The following NUP214 variants were observed in gnomAD, a reference collection of about 807,000 sequenced individuals.
NUP214 encodes the protein nuclear pore complex protein Nup214.
A neutral mutation model predicts 196.2 loss-of-function variants in NUP214; 79 were observed. That is an observed-to-expected ratio of 0.40 (90% CI 0.34 to 0.49). NUP214 has a LOEUF of 0.49. NUP214 is among the 20% of genes least tolerant of loss of function. The pLI, the probability that NUP214 is intolerant of heterozygous loss-of-function variation, is 0.58. For missense variants in NUP214, 2,468 were observed against 2,539.0 expected (o/e 0.97, Z 0.60); for synonymous variants, 1,020 against 990.5 (o/e 1.03, Z -0.56).
intron 8 of NUP214, among the ~76,000 whole-genome samples, chr9:131,135,475 G>A (rs1346118928): frequency 6.6e-6 from 1 of 152,056 alleles, no homozygotes; most frequent in Admixed American, 6.6e-5. Flanking sequence ...CCCCAATCTT[G>A]AATTATTTAT....
At chr9:131,174,452 T>C (rs1007104812) in intron 22 of NUP214, 134 bp downstream of exon 22, 22 of 534,444 alleles carry the variant, frequency 4.1e-5, no homozygotes, top group East Asian at 3.1e-4. Flanking sequence ...TTTTTCTTTT[T>C]TTCTTTTTTT....
chr9:131,185,551 T>G (rs1386133742), intron 24 of NUP214, among the ~76,000 whole-genome samples: 3 of 152,256 alleles, frequency 2.0e-5, no homozygotes, highest in South Asian at 2.1e-4. Context: ...TCACCTAAGA[T>G]ATGGATACTT....
chr9:131,166,371 G>A (rs1163237557), intron 21 of NUP214, among the ~76,000 whole-genome samples: 2 of 152,138 alleles, frequency 1.3e-5, no homozygotes, highest in Admixed American at 6.5e-5. Flanking sequence ...TGAGATTTAT[G>A]TAATTTACTT....
chr9:131,162,260 CAT>C (rs1175357572), intron 18 of NUP214, among the ~76,000 whole-genome samples: 2 of 152,230 alleles, frequency 1.3e-5, no homozygotes, highest in African/African-American at 4.8e-5. Context: ...TTATGTGGCA[CAT>C]GACTGTATTG....
At chr9:131,142,350 T>C (rs1831943439) in intron 11 of NUP214, among the ~76,000 whole-genome samples, 2 of 152,264 alleles carry the variant, frequency 1.3e-5, no homozygotes, top group African/African-American at 2.4e-5. Flanking sequence ...AACTCCCCTC[T>C]TCCTTCACAG....
chr9:131,177,563 G>A (rs1425808662), intron 23 of NUP214, among the ~76,000 whole-genome samples: 1 of 152,144 alleles, frequency 6.6e-6, no homozygotes, highest in Non-Finnish European at 1.5e-5. Flanking sequence ...CTTTGAAAGA[G>A]GGAATAAAAG....
chr9:131,146,212 C>A lies in NUP214; in HGVS notation c.1853C>A (p.Pro618Gln). 1 of 1,614,156 alleles carries A rather than the reference C, an allele frequency of 6.2e-7. No homozygotes were observed. The highest frequency in any genetic ancestry group is 2.2e-5 in the East Asian group (1 of 44,876). Residue 618 changes from proline to glutamine, a missense_variant, in exon 13 of 36, where the codon CCA becomes CAA. Pro to Gln is a moderately conservative substitution (Grantham distance 76). This residue lies in a region of NUP214 where 1,801 missense variants were observed against 1,779.4 expected (regional missense o/e 1.01). Coordinates refer to ENST00000359428, the MANE Select transcript of NUP214 (RefSeq NM_005085.4). This position sits in a 1 kb window ranked among gnomAD's most constrained non-coding sequence, Gnocchi z 4.6. Reference sequence around the variant, plus strand: ...TCGCCATTCTCTTCTGCCTCCAAGCCAGCTGCTTCTGGACCACTCAGCCAC... The same window carrying A: ...TCGCCATTCTCTTCTGCCTCCAAGCAAGCTGCTTCTGGACCACTCAGCCAC... ...PMSPFSSASK[P>Q]AASGPLSHPT...
At chr9:131,199,084 A>C (rs564892637) in intron 29 of NUP214, 69 bp downstream of exon 29, 3 of 1,503,980 alleles carry the variant, frequency 2.0e-6, no homozygotes, top group East Asian at 2.3e-5. Context: ...ACAGACCCCT[A>C]TTACTTTTGT....
rs770768618 is a variant in NUP214 at position 131,198,421 on chromosome 9, T to A, written c.4927T>A (p.Ser1643Thr). The A allele has an allele frequency of 1.2e-6, 2 of 1,614,260 alleles. No homozygotes were observed. The highest frequency in any genetic ancestry group is 1.7e-6 in the Non-Finnish European group (2 of 1,180,044). Residue 1643 changes from serine (S) to threonine (T), a missense_variant, in exon 29 of 36, where the codon TCC becomes ACC. Ser to Thr is a moderately conservative substitution (Grantham distance 58). Coordinates refer to ENST00000359428, the MANE Select transcript of NUP214 (RefSeq NM_005085.4). ...ATTTGGTACCGTCACTTCTGGCTCATCCGTCTTTGCTCAGCCTCCTGCTGC... is the reference window on the plus strand; with the variant it reads ...ATTTGGTACCGTCACTTCTGGCTCAACCGTCTTTGCTCAGCCTCCTGCTGC... ...AAFGTVTSGSSVFAQPPAASS... is the reference protein window; with the variant it reads ...AAFGTVTSGSTVFAQPPAASS...
intron 7 of NUP214, 91 bp downstream of exon 7, chr9:131,133,300 T>TTG: frequency 2.7e-6 from 2 of 744,776 alleles, no homozygotes; most frequent in South Asian, 2.3e-5. Context: ...TTTTTTGTGT[T>TTG]TGTGTTTTTT....
At chr9:131,201,453 T>C (rs1010492495) in intron 29 of NUP214, among the ~76,000 whole-genome samples, 194 bp from the exon 30 acceptor site, 43 of 151,614 alleles carry the variant, frequency 2.8e-4, no homozygotes, top group African/African-American at 1.0e-3. Context: ...GAGTCCCAGC[T>C]ACTCAGGAGG....
chr9:131,223,162 A>C (rs752082915), intron 32 of NUP214, among the ~76,000 whole-genome samples: 1 of 148,838 alleles, frequency 6.7e-6, no homozygotes, highest in Non-Finnish European at 1.5e-5. Flanking sequence ...GTAATGCAAC[A>C]TTTTTTTTTC....
chr9:131,132,630 C>A lies in NUP214; in HGVS notation c.698C>A (p.Pro233Gln), dbSNP rs150328396. The change falls in exon 6 of 36, where the codon CCG becomes CAG. Residue 233 changes from proline (P) to glutamine (Q), a missense_variant. Pro to Gln is a moderately conservative substitution (Grantham distance 76, BLOSUM62 -1). Coordinates refer to ENST00000359428, the MANE Select transcript of NUP214 (RefSeq NM_005085.4). ...GAAAAAAAAGTCATTCCTTGTCCTC[C>A]GTTTTATGAGTCAGATCATCCTGTC... ...LQEKKVIPCP[P>Q]FYESDHPVRV... 2.4e-5 allele frequency: 38 copies of A among 1,613,928 alleles called. No individual in the cohort carries two copies. The Admixed American group carries it at 3.2e-4, about 13-fold the overall frequency.
intron 24 of NUP214, among the ~76,000 whole-genome samples, chr9:131,180,980 A>G (rs763125346): frequency 6.6e-6 from 1 of 152,236 alleles, no homozygotes; most frequent in Non-Finnish European, 1.5e-5. Context: ...AGAGACAAAC[A>G]ATAATCAAAA....
intron 24 of NUP214, among the ~76,000 whole-genome samples, chr9:131,180,427 A>AT (rs1365171399): frequency 1.3e-5 from 2 of 152,214 alleles, no homozygotes. Context: ...TTTATGTTTT[A>AT]TTTTTAAAAT....
rs10119583 is a variant in NUP214 at position 131,232,212 on chromosome 9, A to G, written c.6215-72A>G. ...ACAAGAAGCACAGAGGAGGGCAGAC[A>G]CTTAGCATGGGGACCACCTTTGTCT... On this transcript the variant is annotated intron_variant, in intron 34 of 35. Transcript: ENST00000359428. This position sits in a 1 kb window ranked among gnomAD's most constrained non-coding sequence, Gnocchi z 5.1. 1,789 of 1,545,310 alleles carry G rather than the reference A, an allele frequency of 1.2e-3. 17 individuals carry two copies. In the African/African-American group the frequency reaches 0.021, roughly 19 times the overall value.
In NUP214 at chr9:131,144,762, AC is replaced by A; in HGVS notation, c.1769+9del. On this transcript the variant is annotated intron_variant, in intron 12 of 35. Transcript: ENST00000359428. ...AGTCAACCTTAGTGAAAAGTAAGTC[AC>A]TTCTAAAGTTTGATTCTTCTGTGAG... The A allele has an allele frequency of 6.4e-7, 1 of 1,561,170 alleles. No homozygotes were observed. The highest frequency in any genetic ancestry group is 8.7e-7 in the Non-Finnish European group (1 of 1,148,240).
intron 17 of NUP214, among the ~76,000 whole-genome samples, chr9:131,156,113 A>G (rs1435385650): frequency 6.7e-6 from 1 of 148,942 alleles, no homozygotes; most frequent in Admixed American, 6.8e-5. Flanking sequence ...ATCCATGAGC[A>G]TGGGATGTAT....
intron 33 of NUP214, chr9:131,229,692 T>C (rs1487467031): frequency 3.9e-6 from 2 of 518,300 alleles, no homozygotes; most frequent in Non-Finnish European, 7.7e-6. Context: ...TCTCCGACCC[T>C]GAAGGGCAGG....
Sources: gnomAD v4.1 joint callset for allele counts (sites outside exome capture counted in the v4.1 genomes callset) on GRCh38, gnomAD v4.1.1 for gene constraint, gnomAD v4.1.1 regional missense constraint, Gnocchi (gnomAD v3.1) non-coding constraint, MANE v1.5 for transcripts, NCBI Gene and HGNC (gene_info 2026-07-23, HGNC 2026-07-21) for gene names.